LARP4: variants seen among roughly 807,000 people sequenced by gnomAD.
The protein encoded by LARP4 is la-related protein 4.
Under a neutral mutation model 92.9 loss-of-function variants are expected in LARP4, and 29 were observed. The ratio of observed to expected loss-of-function variants is 0.31; its 90% CI spans 0.23 to 0.43. The LOEUF is 0.43. Ranked by LOEUF, LARP4 falls within the 20% of genes least tolerant of loss-of-function variation. LARP4 has a pLI of 1.00. For missense variants in LARP4, 732 were observed against 860.0 expected, an observed-to-expected ratio of 0.85 and a Z score of 1.86; for synonymous variants, 279 against 284.1, an observed-to-expected ratio of 0.98 and a Z score of 0.18.
rs1381292358 is a variant in LARP4 at position 50,478,541 on chromosome 12, T to A, written c.*2677T>A. ...AGATGGAGGAATTTAAAAAATCAAA[T>A]TTTTCTCTTCACCTTTATGACTTGA... On this transcript the variant is annotated 3_prime_UTR_variant, in exon 16 of 16. Coordinates refer to ENST00000398473, the MANE Select transcript of LARP4 (RefSeq NM_052879.5). 2 of 152,072 alleles carry A rather than the reference T, an allele frequency of 1.3e-5. No homozygotes were observed. Among genetic ancestry groups the A allele is most frequent in the Non-Finnish European group, 1.5e-5 (1 of 67,966 alleles). 9.4% of individuals were successfully genotyped at this position (152,072 alleles called of 1,614,324 possible). A position where few individuals can be genotyped will look rare whatever the true frequency, so the allele number is the denominator to read the frequency against.
At chr12:50,411,123 C>T (rs113790520) in intron 1 of LARP4, among the ~76,000 whole-genome samples, 1 of 151,812 alleles carries the variant, frequency 6.6e-6, no homozygotes, top group African/African-American at 2.4e-5. Context: ...GGGTTTGTTA[C>T]AGTAGAAACT....
chr12:50,411,475 C>G (rs1945883753), intron 1 of LARP4, among the ~76,000 whole-genome samples: 1 of 151,664 alleles, frequency 6.6e-6, no homozygotes, highest in South Asian at 2.1e-4. Context: ...TCCCGAGTAG[C>G]TGTGATTACA....
chr12:50,458,868 A>G (rs1247000147), intron 10 of LARP4, among the ~76,000 whole-genome samples: 2 of 152,246 alleles, frequency 1.3e-5, no homozygotes, highest in Non-Finnish European at 2.9e-5. Context: ...GTTTAACCAC[A>G]TTGCATACCT....
chr12:50,447,992 G>T (rs986891314), intron 8 of LARP4, among the ~76,000 whole-genome samples: 1 of 151,956 alleles, frequency 6.6e-6, no homozygotes, highest in African/African-American at 2.4e-5. Flanking sequence ...TCAGCCTCCC[G>T]AGTAGCTGGG....
At chr12:50,428,276 C>T (rs1229272785) in intron 2 of LARP4, among the ~76,000 whole-genome samples, 1 of 152,140 alleles carries the variant, frequency 6.6e-6, no homozygotes, top group Non-Finnish European at 1.5e-5. Context: ...GATCCACCAG[C>T]CTCGGCCTCC....
At chr12:50,423,399 C>T (rs1948178350) in intron 1 of LARP4, among the ~76,000 whole-genome samples, 2 of 152,142 alleles carry the variant, frequency 1.3e-5, no homozygotes, top group African/African-American at 2.4e-5. Context: ...GAGGGTGAGA[C>T]AGCAGAATTG....
chr12:50,459,592 G>A (rs1204692958), intron 10 of LARP4, among the ~76,000 whole-genome samples: 3 of 152,018 alleles, frequency 2.0e-5, no homozygotes, highest in Non-Finnish European at 2.9e-5. Context: ...CTGGGAGGCC[G>A]AGGTGAGCAG....
rs937848588 is a variant in LARP4 at position 50,475,433 on chromosome 12, C to T, written c.1837-93C>T. On this transcript the variant is annotated intron_variant, in intron 15 of 15. Transcript: ENST00000398473. ...TTGTTGCCCTTTTCTGGAAGATAATCTGTGGTTTTCTTATGGTTAACACAA... is the reference window on the plus strand; with the variant it reads ...TTGTTGCCCTTTTCTGGAAGATAATTTGTGGTTTTCTTATGGTTAACACAA... 12 of 1,036,144 alleles carry T rather than the reference C, an allele frequency of 1.2e-5. No homozygotes were observed. The African/African-American group carries it at 1.8e-4, about 15-fold the overall frequency. 64.2% of individuals were successfully genotyped at this position (1,036,144 alleles called of 1,614,324 possible).
intron 2 of LARP4, among the ~76,000 whole-genome samples, chr12:50,428,214 G>T (rs1949107061): frequency 6.6e-6 from 1 of 151,954 alleles, no homozygotes; most frequent in Non-Finnish European, 1.5e-5. Flanking sequence ...TTTTAGTAGA[G>T]ATGGGGTTTC....
chr12:50,409,807 TA>T (rs762698803), intron 1 of LARP4, among the ~76,000 whole-genome samples: 7 of 150,126 alleles, frequency 4.7e-5, no homozygotes, highest in Admixed American at 6.6e-5. Context: ...TTATTATTAT[TA>T]TTTTTTTAAG....
At chr12:50,450,639 C>T (rs1953025696) in intron 8 of LARP4, among the ~76,000 whole-genome samples, 1 of 152,112 alleles carries the variant, frequency 6.6e-6, no homozygotes, top group Non-Finnish European at 1.5e-5. Context: ...GCTGGGATTA[C>T]AGGTGTGCAC....
In LARP4 at chr12:50,427,764, G is replaced by C. The variant is rs1949017585; in HGVS notation, c.21G>C (p.Gln7His). The C allele has an allele frequency of 6.5e-7, 1 of 1,527,966 alleles. No individual in the cohort carries two copies. Among genetic ancestry groups the C allele is most frequent in the Admixed American group, 1.8e-5 (1 of 56,182 alleles). 94.7% of individuals were successfully genotyped at this position (1,527,966 alleles called of 1,614,324 possible). ...AAATAGATCCTTCGATTATTTAGCA[G>C]GTAGCATCTAAAGGAACTGGTTTAA... MLLFVE[Q>H]VASKGTGLNP... is the part of the protein sequence containing the mutation. Residue 7 changes from glutamine to histidine, a missense_variant and splice_region_variant, in exon 2 of 16, where the codon CAG becomes CAC. Gln to His is a conservative substitution (Grantham distance 24). Coordinates refer to ENST00000398473, the MANE Select transcript of LARP4 (RefSeq NM_052879.5).
chr12:50,456,724 T>A (rs1381922654), intron 10 of LARP4, among the ~76,000 whole-genome samples: 1 of 152,188 alleles, frequency 6.6e-6, no homozygotes, highest in Admixed American at 6.5e-5. Context: ...TTCTCTCTTT[T>A]GCCTGGATCG....
chr12:50,405,559 A>G (rs1255647024), intron 1 of LARP4, among the ~76,000 whole-genome samples: 3 of 151,748 alleles, frequency 2.0e-5, no homozygotes, highest in South Asian at 2.1e-4. Context: ...AGCTGGGACT[A>G]TAGACATGTA....
intron 1 of LARP4, among the ~76,000 whole-genome samples, chr12:50,417,771 T>G (rs1470046568): frequency 6.6e-6 from 1 of 152,218 alleles, no homozygotes; most frequent in East Asian, 1.9e-4. Context: ...CTTGGGTCAC[T>G]GTAGCCTCTT....
chr12:50,427,966 C>A, intron 2 of LARP4, 57 bp downstream of exon 2: 4 of 1,045,072 alleles, frequency 3.8e-6, no homozygotes, highest in South Asian at 3.8e-5. Context: ...TATGGCCAAG[C>A]AAGTTTACTG....
At chr12:50,421,996 G>C (rs1947884549) in intron 1 of LARP4, among the ~76,000 whole-genome samples, 1 of 148,922 alleles carries the variant, frequency 6.7e-6, no homozygotes, top group Non-Finnish European at 1.5e-5. Context: ...TTGAGATGGA[G>C]TCTTGCTTTG....
chr12:50,474,622 C>T (rs567059295), intron 15 of LARP4, among the ~76,000 whole-genome samples: 2 of 152,332 alleles, frequency 1.3e-5, no homozygotes, highest in African/African-American at 4.8e-5. Flanking sequence ...GCTGGGATTA[C>T]ATGCGTGAGC....
At chr12:50,406,296 A>C (rs1592713368) in intron 1 of LARP4, among the ~76,000 whole-genome samples, 2 of 149,128 alleles carry the variant, frequency 1.3e-5, no homozygotes, top group African/African-American at 2.5e-5. Flanking sequence ...AAAGTTAGAC[A>C]CCCCCCACCC....
Sources: allele counts gnomAD v4.1 joint callset (sites outside exome capture counted in the v4.1 genomes callset), GRCh38; gene constraint gnomAD v4.1.1; transcripts MANE v1.5; gene names NCBI Gene and HGNC (gene_info 2026-07-23, HGNC 2026-07-21).